The following S100A2 variants were observed in gnomAD, a reference collection of about 807,000 sequenced individuals.
S100A2 encodes S100 calcium binding protein A2, also known as protein S100-A2.
Under a neutral mutation model 4.3 loss-of-function variants are expected in S100A2, and 5 were observed. The observed-to-expected ratio is 1.16, with a 90% CI of 0.61 to 2.44. S100A2 has a LOEUF of 2.44. Ranked by LOEUF, S100A2 falls within the 30% of genes most tolerant of loss-of-function variation. The pLI is 0.01. For missense variants in S100A2, 103 were observed against 114.7 expected, an observed-to-expected ratio of 0.90 and a Z score of 0.47; for synonymous variants, 44 against 46.0, an observed-to-expected ratio of 0.96 and a Z score of 0.17.
chr1:153,565,105 A>G (rs1283018775), intron 1 of S100A2, among the ~76,000 whole-genome samples: 1 of 151,596 alleles, frequency 6.6e-6, no homozygotes. Context: ...AGATCAGGAG[A>G]TCGAGACCAT....
At chr1:153,565,094 G>T (rs932845752) in intron 1 of S100A2, among the ~76,000 whole-genome samples, 1 of 151,474 alleles carries the variant, frequency 6.6e-6, no homozygotes, top group Non-Finnish European at 1.5e-5. Flanking sequence ...GGTGGATCAC[G>T]AGATCAGGAG....
chr1:153,563,377 AAAAAAAAAAG>A (rs1370087626), intron 2 of S100A2: 1 of 1,529,140 alleles, frequency 6.5e-7, no homozygotes, highest in Non-Finnish European at 8.8e-7. Context: ...CATCTCAAAA[AAAAAAAAAAG>A]AAAAGAAAAG....
rs866897146 is a variant in S100A2, at chr1:153,564,854, C to A, written c.-11+652G>T. ...AGTCCTGCTAGAATCCAGGACTTTG[C>A]AAAAAAAAAAAAAAATCTCAGGATT... On this transcript the variant is annotated intron_variant, in intron 1 of 2. Coordinates refer to ENST00000368708, the MANE Select transcript of S100A2 (RefSeq NM_005978.4). Among the ~76,000 whole-genome samples the A allele has an allele frequency of 4.7e-3, 257 of 54,784 alleles. 1 individual carries two copies. The highest frequency in any genetic ancestry group is 0.016 in the Middle Eastern group (1 of 62). The allele number at this position is 54,784 out of a possible 152,430, so 35.9% of individuals were successfully genotyped here.
rs1665933171 is a variant in S100A2, at chr1:153,563,215, T to C, written c.144+519A>G. Among the ~76,000 whole-genome samples the C allele has an allele frequency of 1.3e-5, 2 of 151,724 alleles. 1 individual carries two copies. Reference sequence around the variant, plus strand: ...GGTGAAACCCTGTCTCTACTAAAAATACAAAAATTAGCTGGGCGTAGTGGG... The same window carrying C: ...GGTGAAACCCTGTCTCTACTAAAAACACAAAAATTAGCTGGGCGTAGTGGG... On this transcript the variant is annotated intron_variant, in intron 2 of 2. Coordinates refer to ENST00000368708, the MANE Select transcript of S100A2 (RefSeq NM_005978.4).
intron 2 of S100A2, 104 bp from the exon 3 acceptor site, chr1:153,561,695 C>T (rs1665899241): frequency 9.1e-6 from 14 of 1,531,484 alleles, no homozygotes; most frequent in Non-Finnish European, 1.3e-5. Flanking sequence ...GCTCTCCCTC[C>T]CCACTGGGCA....
In S100A2 at chr1:153,561,293, C is replaced by T. The variant is rs961483981; in HGVS notation, c.*146G>A. ...TCCAGGAGGCCCTCATCTCCCAGCA[C>T]TCCAGCTGAGCCAGCCGGGTTATGG... On this transcript the variant is annotated 3_prime_UTR_variant, in exon 3 of 3. Transcript: ENST00000368708. 3.0e-6 allele frequency: 3 copies of T among 995,394 alleles called. No individual in the cohort carries two copies. The highest frequency in any genetic ancestry group is 3.3e-5 in the African/African-American group (2 of 60,374). 61.7% of individuals were successfully genotyped at this position (995,394 alleles called of 1,614,324 possible).
intron 1 of S100A2, among the ~76,000 whole-genome samples, chr1:153,564,586 T>A (rs963358769): frequency 6.6e-6 from 1 of 152,064 alleles, no homozygotes; most frequent in Non-Finnish European, 1.5e-5. Context: ...ATTAAAGATA[T>A]GAAATGTTCA....
chr1:153,564,740 G>A (rs1302182471), intron 1 of S100A2, among the ~76,000 whole-genome samples: 1 of 148,790 alleles, frequency 6.7e-6, no homozygotes, highest in East Asian at 2.0e-4. Flanking sequence ...CATCATGCCA[G>A]CCCTGCCTTC....
rs919807681 is a variant in S100A2, at chr1:153,561,332, A to G, written c.*107T>C. On this transcript the variant is annotated 3_prime_UTR_variant, in exon 3 of 3. Transcript: ENST00000368708. ...GCCGGGTTATGGAACATCACTGAGCAATTAAAATATTATCAACAGACAAAA... is the reference window on the plus strand; with the variant it reads ...GCCGGGTTATGGAACATCACTGAGCGATTAAAATATTATCAACAGACAAAA... 8.1e-6 allele frequency: 11 copies of G among 1,358,788 alleles called. No individual in the cohort carries two copies. Among genetic ancestry groups the G allele is most frequent in the African/African-American group, 2.9e-5 (2 of 67,888 alleles). 84.2% of individuals were successfully genotyped at this position (1,358,788 alleles called of 1,614,324 possible).
chr1:153,561,756 T>G (rs992840257), intron 2 of S100A2, among the ~76,000 whole-genome samples, 165 bp from the exon 3 acceptor site: 12 of 152,116 alleles, frequency 7.9e-5, no homozygotes, highest in Non-Finnish European at 1.2e-4. Context: ...GAGGGCCCAG[T>G]GAGTAAGGAG....
intron 1 of S100A2, 171 bp from the exon 2 acceptor site, chr1:153,564,058 C>T (rs1185574917): frequency 4.8e-6 from 3 of 625,670 alleles, no homozygotes; most frequent in South Asian, 4.6e-5. Flanking sequence ...AGGCCGGAGG[C>T]GATACCTCCA....
chr1:153,564,165 C>T, intron 1 of S100A2: 1 of 346,638 alleles, frequency 2.9e-6, no homozygotes. Flanking sequence ...GGGCAGGGCT[C>T]CCCATTTTAG....
rs114661006 is a variant in S100A2, at chr1:153,564,775, C to T, written c.-11+731G>A. On this transcript the variant is annotated intron_variant, in intron 1 of 2. Transcript: ENST00000368708. Reference sequence around the variant, plus strand: ...CACCGAGGCAGGGGGCAGAGCTTTGCTGCTTGGGGCCATGACCCAGGCAGA... The same window carrying T: ...CACCGAGGCAGGGGGCAGAGCTTTGTTGCTTGGGGCCATGACCCAGGCAGA... Among the ~76,000 whole-genome samples the T allele has an allele frequency of 6.7e-3, 898 of 134,650 alleles. 7 individuals carry two copies. Among genetic ancestry groups the T allele is most frequent in the African/African-American group, 0.023 (848 of 37,098 alleles). The allele number at this position is 134,650 out of a possible 152,430, so 88.3% of individuals were successfully genotyped here.
intron 2 of S100A2, among the ~76,000 whole-genome samples, chr1:153,562,382 T>G (rs1350350784): frequency 6.6e-6 from 1 of 152,158 alleles, no homozygotes; most frequent in East Asian, 1.9e-4. Context: ...GCTTAAGAGA[T>G]CCTCCTGCCT....
intron 1 of S100A2, among the ~76,000 whole-genome samples, chr1:153,565,115 T>C (rs1021381355): frequency 4.0e-5 from 6 of 151,282 alleles, no homozygotes; most frequent in South Asian, 4.2e-4. Flanking sequence ...ATCGAGACCA[T>C]CCTGGCTAAC....
chr1:153,562,908 C>T (rs373904988), intron 2 of S100A2, among the ~76,000 whole-genome samples: 4 of 143,774 alleles, frequency 2.8e-5, no homozygotes, highest in African/African-American at 7.8e-5. Flanking sequence ...CCCAGGAGTT[C>T]GAGATTACAG....
Position 153,565,819 on chromosome 1 carries a change from G to A in S100A2, c.-324C>T, listed in dbSNP as rs1300933081. The stretch of plus-strand genomic sequence containing the variant: ...CGTGGGGACTGGGCATCCTGGACCG[G>A]GGTGAGGGGAGGCAACCCCTGCTCT... On this transcript the variant is annotated 5_prime_UTR_variant, in exon 1 of 3. Transcript: ENST00000368708. The A allele has an allele frequency of 6.6e-6, 1 of 152,602 alleles. No homozygotes were observed. Among genetic ancestry groups the A allele is most frequent in the Non-Finnish European group, 1.5e-5 (1 of 68,340 alleles). The allele number at this position is 152,602 out of a possible 1,614,324, so 9.5% of individuals were successfully genotyped here.
intron 1 of S100A2, among the ~76,000 whole-genome samples, 195 bp downstream of exon 1, chr1:153,565,311 C>CAAA (rs57778287): frequency 0.015 from 693 of 46,686 alleles, 33 homozygotes; most frequent in African/African-American, 0.046. Context: ...GACTCCATCT[C>CAAA]AAAAAAAAAA....
chr1:153,563,914 A>G lies in S100A2; in HGVS notation c.-10-27T>C, dbSNP rs767940942. 88 of 1,604,950 alleles carry G rather than the reference A, an allele frequency of 5.5e-5. 1 individual carries two copies. In the Admixed American group the frequency reaches 1.5e-3, roughly 27 times the overall value. ...TGCAGAGGTGCCAGGTGATGGGTACACTGCTGAGGCTCTTGGGGCCTTAGC... is the reference window on the plus strand; with the variant it reads ...TGCAGAGGTGCCAGGTGATGGGTACGCTGCTGAGGCTCTTGGGGCCTTAGC... On this transcript the variant is annotated intron_variant, in intron 1 of 2. Transcript: ENST00000368708.
Sources: allele counts gnomAD v4.1 joint callset (sites outside exome capture counted in the v4.1 genomes callset), GRCh38; gene constraint gnomAD v4.1.1; transcripts MANE v1.5; gene names NCBI Gene and HGNC (gene_info 2026-07-23, HGNC 2026-07-21).